TSHZ2: variants seen among roughly 807,000 people sequenced by gnomAD.
TSHZ2 encodes the protein teashirt homolog 2.
In TSHZ2, 21 loss-of-function variants were observed where a neutral mutation model predicts 74.4. That is an observed-to-expected ratio of 0.28 (90% CI 0.20 to 0.41). The LOEUF (loss-of-function observed/expected upper bound fraction) is 0.41, where lower values mean the gene tolerates loss of function less well. Among genes scored for constraint, TSHZ2 ranks in the 10% least tolerant of loss-of-function variants. The pLI is 1.00. For missense variants in TSHZ2, 1,244 were observed against 1,293.5 expected (o/e 0.96, Z 0.59); for synonymous variants, 540 against 515.3 (o/e 1.05, Z -0.65).
At chr20:53,060,362 C>T (rs6068446) in intron 1 of TSHZ2, among the ~76,000 whole-genome samples, 89,210 of 152,018 alleles carry the variant, frequency 0.59, 28,033 homozygotes, top group African/African-American at 0.82. Context: ...CCCTGCTACT[C>T]ACATAAAAAA....
chr20:53,144,138 C>T (rs912746994), intron 1 of TSHZ2, among the ~76,000 whole-genome samples: 6 of 152,124 alleles, frequency 3.9e-5, no homozygotes, highest in African/African-American at 1.4e-4. Flanking sequence ...ACCTCAAGCA[C>T]TGATCTTAGG....
intron 2 of TSHZ2, among the ~76,000 whole-genome samples, chr20:53,270,934 G>A (rs1052088182): frequency 3.3e-5 from 5 of 151,986 alleles, no homozygotes; most frequent in African/African-American, 9.7e-5. Flanking sequence ...CTGTACTTGC[G>A]GGAGCCTCCA....
rs539077976 is a variant in TSHZ2 at position 53,473,872 on chromosome 20, G to A, written c.*9-13272G>A. Among the ~76,000 whole-genome samples, 8 of 152,282 alleles carry A rather than the reference G, an allele frequency of 5.3e-5. No homozygotes were observed. The East Asian group carries it at 1.4e-3, about 26-fold the overall frequency. On this transcript the variant is annotated intron_variant, in intron 2 of 2. Coordinates refer to ENST00000371497, the MANE Select transcript of TSHZ2 (RefSeq NM_173485.6). ...CTACGTGAAGAAGGCAGAAACCTCA[G>A]GAAGCGATGCAATCAACTGGAAGAA... is the stretch of plus-strand genomic sequence containing the variant.
chr20:53,178,210 G>A (rs1336180669), intron 1 of TSHZ2: 2 of 152,198 alleles, frequency 1.3e-5, no homozygotes, highest in African/African-American at 4.8e-5. Flanking sequence ...AGCAGACAGC[G>A]ATGCCACACG....
intron 1 of TSHZ2, among the ~76,000 whole-genome samples, chr20:53,023,738 A>C (rs1015113599): frequency 6.6e-6 from 1 of 152,066 alleles, no homozygotes; most frequent in African/African-American, 2.4e-5. Context: ...ATATTTTGTG[A>C]TATTCAAACC....
chr20:53,185,610 A>T, intron 1 of TSHZ2: 1 of 1,533,718 alleles, frequency 6.5e-7, no homozygotes, highest in South Asian at 1.2e-5. Context: ...ACAGAGCAAG[A>T]CTCCATCTCA....
At chr20:53,312,573 CTCTA>C (rs1978839447) in intron 2 of TSHZ2, among the ~76,000 whole-genome samples, 1 of 152,192 alleles carries the variant, frequency 6.6e-6, no homozygotes, top group Non-Finnish European at 1.5e-5. Flanking sequence ...GCACCAGTCG[CTCTA>C]TCTCTCTAAA....
At chr20:53,429,821 T>TTGTGTGTGTGTGTGTGTGTG (rs145356694) in intron 2 of TSHZ2, among the ~76,000 whole-genome samples, 4,531 of 151,574 alleles carry the variant, frequency 0.03, 210 homozygotes, top group African/African-American at 0.097. Flanking sequence ...GCATATTCAA[T>TTGTGTGTGTGTGTGTGTGTG]TGTGTGTGTG....
chr20:53,117,182 G>A (rs1364672914), intron 1 of TSHZ2, among the ~76,000 whole-genome samples: 2 of 152,128 alleles, frequency 1.3e-5, no homozygotes, highest in African/African-American at 4.8e-5. Context: ...TTGGGAGTTA[G>A]AACTACAGCA....
rs1361414905 is a variant in TSHZ2, at chr20:53,358,911, AC to A, written c.*8+102342del. 2.0e-4 allele frequency among the ~76,000 whole-genome samples: 30 copies of A among 152,298 alleles called. 1 individual carries two copies. The Middle Eastern group carries it at 0.031, about 155-fold the overall frequency. On this transcript the variant is annotated intron_variant, in intron 2 of 2. Coordinates refer to ENST00000371497, the MANE Select transcript of TSHZ2 (RefSeq NM_173485.6). ...TTTGAATATTTTTCTTATTTTAAAA[AC>A]CAAAAATCCTTTGAATGCTATTTAT... is the stretch of plus-strand genomic sequence containing the variant.
chr20:53,081,028 T>G (rs1199085874), intron 1 of TSHZ2, among the ~76,000 whole-genome samples: 1 of 152,114 alleles, frequency 6.6e-6, no homozygotes, highest in Non-Finnish European at 1.5e-5. Flanking sequence ...TAAAACATGT[T>G]TTTTAGAGAC....
At chr20:52,974,141 T>C (rs1981240593) in intron 1 of TSHZ2, among the ~76,000 whole-genome samples, 1 of 152,210 alleles carries the variant, frequency 6.6e-6, no homozygotes, top group African/African-American at 2.4e-5. Flanking sequence ...TTTTTTTCTT[T>C]TGGGTTGCTT....
At chr20:53,461,089 G>T (rs2145811897) in intron 2 of TSHZ2, among the ~76,000 whole-genome samples, 1 of 152,270 alleles carries the variant, frequency 6.6e-6, no homozygotes, top group Non-Finnish European at 1.5e-5. Context: ...CTTCCCGGCT[G>T]CTTTGTTTAC....
At chr20:53,355,878 T>A (rs1980827110) in intron 2 of TSHZ2, among the ~76,000 whole-genome samples, 1 of 151,922 alleles carries the variant, frequency 6.6e-6, no homozygotes, top group Non-Finnish European at 1.5e-5. Context: ...CAAAGAGAGG[T>A]CTTGGCTGGG....
At chr20:52,998,134 G>A (rs1011421409) in intron 1 of TSHZ2, among the ~76,000 whole-genome samples, 6 of 152,146 alleles carry the variant, frequency 3.9e-5, no homozygotes, top group African/African-American at 7.2e-5. Context: ...CCTGAACTGT[G>A]GTTTCTTTCT....
chr20:53,257,692 C>T (rs1309942624), intron 2 of TSHZ2, among the ~76,000 whole-genome samples: 1 of 152,212 alleles, frequency 6.6e-6, no homozygotes, highest in East Asian at 1.9e-4. Flanking sequence ...TTCAGGTGGT[C>T]CTCCACCTTC....
chr20:53,478,827 G>A (rs13036771), intron 2 of TSHZ2, among the ~76,000 whole-genome samples: 30,599 of 151,638 alleles, frequency 0.2, 3,243 homozygotes, highest in East Asian at 0.29. Flanking sequence ...TTTCTAGATC[G>A]GGTGGCCAGC....
chr20:53,003,340 C>T (rs572769751), intron 1 of TSHZ2, among the ~76,000 whole-genome samples: 3 of 151,606 alleles, frequency 2.0e-5, no homozygotes, highest in Non-Finnish European at 4.4e-5. Context: ...TCCTCGCAAG[C>T]GCTGGACAGC....
At chr20:53,212,177 C>G (rs1989326070) in intron 1 of TSHZ2, among the ~76,000 whole-genome samples, 1 of 152,138 alleles carries the variant, frequency 6.6e-6, no homozygotes, top group Non-Finnish European at 1.5e-5. Flanking sequence ...CATGGAGTCC[C>G]TGAGTGACCC....
Sources: allele counts gnomAD v4.1 joint callset (sites outside exome capture counted in the v4.1 genomes callset), GRCh38; gene constraint gnomAD v4.1.1; transcripts MANE v1.5; gene names NCBI Gene and HGNC (gene_info 2026-07-23, HGNC 2026-07-21).